The following TMEM178B variants were observed in gnomAD, a reference collection of about 807,000 sequenced individuals.
TMEM178B encodes transmembrane protein 178B.
Under a neutral mutation model 31.0 loss-of-function variants are expected in TMEM178B, and 5 were observed. The observed-to-expected ratio is 0.16, with a 90% CI of 0.08 to 0.34. TMEM178B has a LOEUF of 0.34. TMEM178B is among the 10% of genes least tolerant of loss of function. The pLI, the probability that TMEM178B is intolerant of heterozygous loss-of-function variation, is 1.00. For synonymous variants in TMEM178B, 164 were observed against 164.0 expected (o/e 1.00, Z 0.00); for missense variants, 275 against 400.3 (o/e 0.69, Z 2.67).
intron 2 of TMEM178B, among the ~76,000 whole-genome samples, chr7:141,386,937 T>C (rs565678782): frequency 6.6e-6 from 1 of 152,294 alleles, no homozygotes; most frequent in East Asian, 1.9e-4. Flanking sequence ...AGTGCCCATA[T>C]CTGCCCCAAA....
Position 141,468,620 on chromosome 7 carries a change from G to A in TMEM178B, c.635-1916G>A, listed in dbSNP as rs138962437. On this transcript the variant is annotated intron_variant, in intron 3 of 3. Transcript: ENST00000565468. ...TCTTAGAGTTGTTTTATGAATTAAG[G>A]TTTTAGTACATGCCACAAATTTAGT... 3.0e-3 allele frequency among the ~76,000 whole-genome samples: 450 copies of A among 152,276 alleles called. 5 individuals carry two copies. Among genetic ancestry groups the A allele is most frequent in the African/African-American group, 9.9e-3 (413 of 41,550 alleles).
chr7:141,200,996 C>T (rs1796867261), intron 1 of TMEM178B, among the ~76,000 whole-genome samples: 1 of 152,134 alleles, frequency 6.6e-6, no homozygotes, highest in Admixed American at 6.5e-5. Flanking sequence ...ATGACAGAAT[C>T]ACGATCCAAA....
chr7:141,505,093 G>T, the TMEM178B span, among the ~76,000 whole-genome samples: 1 of 152,174 alleles, frequency 6.6e-6, no homozygotes, highest in African/African-American at 2.4e-5. Flanking sequence ...ATGCTGATCT[G>T]GTTTTATTGA....
At chr7:141,263,534 G>T (rs576322274) in intron 2 of TMEM178B, among the ~76,000 whole-genome samples, 5 of 152,350 alleles carry the variant, frequency 3.3e-5, no homozygotes, top group East Asian at 1.9e-4. Flanking sequence ...GTAGGGGAAA[G>T]GTCTGTCTGT....
chr7:141,353,053 G>A (rs1038127161), intron 2 of TMEM178B, among the ~76,000 whole-genome samples: 10 of 151,948 alleles, frequency 6.6e-5, no homozygotes, highest in African/African-American at 1.7e-4. Flanking sequence ...ACAAAGTCCC[G>A]TGGATTTTGC....
the TMEM178B span, among the ~76,000 whole-genome samples, chr7:141,494,909 G>T: frequency 6.6e-6 from 1 of 152,150 alleles, no homozygotes; most frequent in Non-Finnish European, 1.5e-5. Flanking sequence ...GTGAGGAATT[G>T]GTTAAGGTAC....
chr7:141,111,760 G>A (rs565567176), intron 1 of TMEM178B, among the ~76,000 whole-genome samples: 1 of 152,332 alleles, frequency 6.6e-6, no homozygotes, highest in South Asian at 2.1e-4. Flanking sequence ...CATTTCCTCA[G>A]ATAGAGGGCT....
At chr7:141,334,612 G>A (rs1191212867) in intron 2 of TMEM178B, among the ~76,000 whole-genome samples, 1 of 152,182 alleles carries the variant, frequency 6.6e-6, no homozygotes, top group African/African-American at 2.4e-5. Context: ...AGCATGCAAA[G>A]ATCTATTGAA....
At chr7:141,462,839 C>T (rs1011577128) in intron 3 of TMEM178B, among the ~76,000 whole-genome samples, 3 of 151,928 alleles carry the variant, frequency 2.0e-5, no homozygotes, top group Admixed American at 1.3e-4. Context: ...AGACTATCCT[C>T]CCCTCTTCCA....
chr7:141,219,304 G>A (rs1357656914), intron 2 of TMEM178B, among the ~76,000 whole-genome samples: 1 of 152,140 alleles, frequency 6.6e-6, no homozygotes, highest in Non-Finnish European at 1.5e-5. Context: ...GTTTTTGGCT[G>A]ATGTTATGGA....
chr7:141,328,044 G>A (rs1013280789), intron 2 of TMEM178B, among the ~76,000 whole-genome samples: 1 of 152,156 alleles, frequency 6.6e-6, no homozygotes, highest in African/African-American at 2.4e-5. Flanking sequence ...AATCTTTCAA[G>A]GATCTTAACT....
intron 2 of TMEM178B, among the ~76,000 whole-genome samples, chr7:141,412,045 T>C (rs1398565508): frequency 6.6e-6 from 1 of 152,190 alleles, no homozygotes; most frequent in Admixed American, 6.5e-5. Flanking sequence ...TGAGCTTGAA[T>C]AAGCTGCCCT....
At chr7:141,470,342 T>A (rs1488805496) in intron 3 of TMEM178B, among the ~76,000 whole-genome samples, 194 bp from the exon 4 acceptor site, 1 of 152,210 alleles carries the variant, frequency 6.6e-6, no homozygotes, top group African/African-American at 2.4e-5. Context: ...GATGATCCTT[T>A]AATACTATTC....
At chr7:141,510,824 C>T in the TMEM178B span, among the ~76,000 whole-genome samples, 102 of 151,688 alleles carry the variant, frequency 6.7e-4, no homozygotes, top group African/African-American at 2.2e-3. Context: ...GAAGCAGGGA[C>T]GACACCAACT....
intron 2 of TMEM178B, among the ~76,000 whole-genome samples, chr7:141,332,898 C>T (rs1012834199): frequency 6.6e-6 from 1 of 152,230 alleles, no homozygotes; most frequent in Admixed American, 6.5e-5. Flanking sequence ...CTTTGCTGTT[C>T]ATTTCCTGCT....
At chr7:141,491,459 A>G in the TMEM178B span, among the ~76,000 whole-genome samples, 1 of 152,270 alleles carries the variant, frequency 6.6e-6, no homozygotes, top group South Asian at 2.1e-4. Context: ...CATAAATCCA[A>G]ACTTCTTATT....
intron 1 of TMEM178B, among the ~76,000 whole-genome samples, chr7:141,156,846 G>A (rs925766225): frequency 6.6e-6 from 1 of 152,176 alleles, no homozygotes; most frequent in African/African-American, 2.4e-5. Context: ...TGGTTGTAAG[G>A]CTCTAGCAGA....
At chr7:141,501,466 T>G in the TMEM178B span, among the ~76,000 whole-genome samples, 1 of 152,200 alleles carries the variant, frequency 6.6e-6, no homozygotes, top group East Asian at 1.9e-4. Flanking sequence ...GGATGATTAA[T>G]ACACTGTGAT....
chr7:141,502,553 C>T, the TMEM178B span, among the ~76,000 whole-genome samples: 1 of 152,220 alleles, frequency 6.6e-6, no homozygotes, highest in Non-Finnish European at 1.5e-5. Flanking sequence ...AGCTGATCAC[C>T]TGAGGTAGGG....
Sources: gnomAD v4.1 joint callset for allele counts (sites outside exome capture counted in the v4.1 genomes callset) on GRCh38, gnomAD v4.1.1 for gene constraint, MANE v1.5 for transcripts, NCBI Gene and HGNC (gene_info 2026-07-23, HGNC 2026-07-21) for gene names.